Variants in WWP1 observed in about 807,000 individuals in gnomAD.
WWP1 encodes the protein WW domain containing E3 ubiquitin protein ligase 1, also known as NEDD4-like E3 ubiquitin-protein ligase WWP1.
WWP1 carries 49 observed loss-of-function variants against 130.6 expected under a neutral mutation model. That is an observed-to-expected ratio of 0.38 (90% CI 0.30 to 0.48). The LOEUF (loss-of-function observed/expected upper bound fraction) is 0.48, where lower values mean the gene tolerates loss of function less well. Among genes scored for constraint, WWP1 ranks in the 20% least tolerant of loss-of-function variants. The pLI is 0.99. For synonymous variants in WWP1, 332 were observed against 367.8 expected (o/e 0.90, Z 1.11); for missense variants, 809 against 1,100.6 (o/e 0.74, Z 3.75).
rs368455285 is a variant in WWP1, at chr8:86,448,833, CTT to C, written c.2273+321_2273+322del. Among the ~76,000 whole-genome samples the C allele has an allele frequency of 3.2e-3, 487 of 152,112 alleles. 1 individual carries two copies. The highest frequency in any genetic ancestry group is 0.011 in the African/African-American group (459 of 41,494). ...GTCATACTGATTTTCTTTACATTCT[CTT>C]GTTTTAAATTTTTGTTTTTAGAGAG... On this transcript the variant is annotated intron_variant, in intron 20 of 24. Transcript: ENST00000517970.
intron 1 of WWP1, among the ~76,000 whole-genome samples, chr8:86,343,518 T>C (rs1005284586): frequency 6.7e-6 from 1 of 149,812 alleles, no homozygotes; most frequent in African/African-American, 2.5e-5. Flanking sequence ...ATCTTGTCTG[T>C]GACTTACAGA....
At chr8:86,430,798 C>A in intron 12 of WWP1, 47 bp downstream of exon 12, 1 of 198,536 alleles carries the variant, frequency 5.0e-6, no homozygotes, top group Non-Finnish European at 8.2e-6. Context: ...TATATCTCTC[C>A]ATATATATAT....
At chr8:86,352,818 G>A (rs1014629820) in intron 1 of WWP1, among the ~76,000 whole-genome samples, 4 of 152,192 alleles carry the variant, frequency 2.6e-5, no homozygotes, top group African/African-American at 9.7e-5. Context: ...ATTACAGTGA[G>A]GAGTAGGCAA....
rs987770252 is a variant in WWP1, at chr8:86,342,740, C to T, written c.-305C>T. 7 of 358,986 alleles carry T rather than the reference C, an allele frequency of 1.9e-5. No individual in the cohort carries two copies. Among genetic ancestry groups the T allele is most frequent in the Non-Finnish European group, 3.5e-5 (7 of 200,984 alleles). 22.2% of individuals were successfully genotyped at this position (358,986 alleles called of 1,614,324 possible). The stretch of plus-strand genomic sequence containing the variant: ...GGGTGGGGGGAGGGTCGGGTGTCGG[C>T]GAGCTCCGCGTGCGGGTTCCGAGTG... On this transcript the variant is annotated 5_prime_UTR_variant, in exon 1 of 25. Coordinates refer to ENST00000517970, the MANE Select transcript of WWP1 (RefSeq NM_007013.4).
intron 1 of WWP1, among the ~76,000 whole-genome samples, chr8:86,362,056 A>G (rs1338178900): frequency 3.9e-5 from 3 of 77,286 alleles, no homozygotes; most frequent in African/African-American, 6.7e-5. Flanking sequence ...ACACACATAT[A>G]TACACACATA....
At chr8:86,376,803 T>C (rs953571215) in intron 3 of WWP1, among the ~76,000 whole-genome samples, 1 of 152,212 alleles carries the variant, frequency 6.6e-6, no homozygotes, top group Admixed American at 6.5e-5. Context: ...GAAAGAATGA[T>C]CATGGACCTG....
Position 86,443,278 on chromosome 8 carries a change from T to C in WWP1, c.1998+500T>C, listed in dbSNP as rs1390076318. 2.0e-5 allele frequency among the ~76,000 whole-genome samples: 3 copies of C among 152,256 alleles called. No individual in the cohort carries two copies. The East Asian group carries it at 5.8e-4, about 29-fold the overall frequency. On this transcript the variant is annotated intron_variant, in intron 18 of 24. Coordinates refer to ENST00000517970, the MANE Select transcript of WWP1 (RefSeq NM_007013.4). ...TAGTTGAGATGGGGTTTCATCATGT[T>C]GCCCAGGCTGGTCTCAAACTCCTGA...
chr8:86,394,514 C>G (rs575462608), intron 5 of WWP1, among the ~76,000 whole-genome samples: 13 of 152,240 alleles, frequency 8.5e-5, no homozygotes, highest in Admixed American at 8.5e-4. Flanking sequence ...AACCAAAAAA[C>G]AAAAACATTC....
intron 9 of WWP1, among the ~76,000 whole-genome samples, chr8:86,412,567 G>A (rs1351279419): frequency 6.6e-6 from 1 of 152,108 alleles, no homozygotes; most frequent in Non-Finnish European, 1.5e-5. Context: ...AAGTATATAT[G>A]GACACGTGCT....
chr8:86,448,396 G>T lies in WWP1; in HGVS notation c.2156G>T (p.Gly719Val). 6.2e-7 allele frequency: 1 copy of T among 1,613,354 alleles called. No individual in the cohort carries two copies. The highest frequency in any genetic ancestry group is 8.5e-7 in the Non-Finnish European group (1 of 1,179,798). The stretch of plus-strand genomic sequence containing the variant: ...AGAGATAACAACATTGAAGAATGTG[G>T]CTTAGAAATGTACTTTTCTGTTGAC... ...WIRDNNIEEC[G>V]LEMYFSVDME... The change falls in exon 20 of 25, where the codon GGC becomes GTC. Residue 719 changes from glycine to valine, a missense_variant. By Grantham distance (109) the Gly-to-Val change is moderately radical. Coordinates refer to ENST00000517970, the MANE Select transcript of WWP1 (RefSeq NM_007013.4).
chr8:86,438,014 A>G (rs188938055), intron 16 of WWP1, among the ~76,000 whole-genome samples: 1 of 152,170 alleles, frequency 6.6e-6, no homozygotes, highest in Non-Finnish European at 1.5e-5. Flanking sequence ...GTTAGCCAGG[A>G]TGGTCTCAAT....
chr8:86,375,955 T>G (rs1396455556), intron 3 of WWP1, among the ~76,000 whole-genome samples: 1 of 152,226 alleles, frequency 6.6e-6, no homozygotes, highest in African/African-American at 2.4e-5. Flanking sequence ...TTGTTCATAA[T>G]TAGACACTGA....
chr8:86,353,705 A>G (rs546351803), intron 1 of WWP1, among the ~76,000 whole-genome samples: 1 of 152,122 alleles, frequency 6.6e-6, no homozygotes, highest in South Asian at 2.1e-4. Flanking sequence ...CTGGTCTCGA[A>G]CTCCTGACCT....
At chr8:86,392,403 G>C (rs1586338141) in intron 5 of WWP1, among the ~76,000 whole-genome samples, 1 of 152,192 alleles carries the variant, frequency 6.6e-6, no homozygotes, top group Non-Finnish European at 1.5e-5. Context: ...CCAGAGAGGA[G>C]TGAGATGGCT....
intron 1 of WWP1, among the ~76,000 whole-genome samples, chr8:86,349,211 G>A (rs946711704): frequency 1.3e-5 from 2 of 152,092 alleles, no homozygotes; most frequent in Non-Finnish European, 2.9e-5. Context: ...TAGAGATGGG[G>A]TTTCACCATG....
intron 18 of WWP1, among the ~76,000 whole-genome samples, chr8:86,443,467 A>G (rs1380057301): frequency 1.3e-5 from 2 of 152,018 alleles, no homozygotes; most frequent in African/African-American, 2.4e-5. Context: ...TTATGGAACT[A>G]TTGTCTTTTG....
chr8:86,443,264 G>A (rs1189818148), intron 18 of WWP1, among the ~76,000 whole-genome samples: 1 of 151,954 alleles, frequency 6.6e-6, no homozygotes, highest in African/African-American at 2.4e-5. Flanking sequence ...AGTTGAGATG[G>A]GGTTTCATCA....
chr8:86,394,933 TAAAAAAA>T (rs10694206), intron 5 of WWP1, among the ~76,000 whole-genome samples: 1 of 76,412 alleles, frequency 1.3e-5, no homozygotes, highest in Admixed American at 1.6e-4. Flanking sequence ...CTGTTCTTCT[TAAAAAAA>T]AAAAAAAAAA....
chr8:86,436,444 C>T (rs1177573894), intron 16 of WWP1, among the ~76,000 whole-genome samples: 1 of 152,188 alleles, frequency 6.6e-6, no homozygotes, highest in Non-Finnish European at 1.5e-5. Context: ...TCCTTCTCTT[C>T]TCCCTCACAG....
Sources: allele counts gnomAD v4.1 joint callset (sites outside exome capture counted in the v4.1 genomes callset), GRCh38; gene constraint gnomAD v4.1.1; transcripts MANE v1.5; gene names NCBI Gene and HGNC (gene_info 2026-07-23, HGNC 2026-07-21).